NALF1: variants seen among roughly 807,000 people sequenced by gnomAD.
NALF1 encodes the protein family with sequence similarity 155 member A.
NALF1 carries 3 observed loss-of-function variants against 48.4 expected under a neutral mutation model. The ratio of observed to expected loss-of-function variants is 0.06; its 90% confidence interval spans 0.03 to 0.16. The LOEUF (loss-of-function observed/expected upper bound fraction) is 0.16, where lower values mean the gene tolerates loss of function less well. Among genes scored for constraint, NALF1 ranks in the 10% least tolerant of loss-of-function variants. NALF1 has a pLI of 1.00. For synonymous variants in NALF1, 262 were observed against 245.7 expected (o/e 1.07, Z -0.62); for missense variants, 526 against 571.5 (o/e 0.92, Z 0.81).
At chr13:107,673,018 GT>G (rs771859324) in intron 1 of NALF1, among the ~76,000 whole-genome samples, 9 of 152,044 alleles carry the variant, frequency 5.9e-5, no homozygotes, top group Non-Finnish European at 1.0e-4. Flanking sequence ...TAACTCAAGA[GT>G]GTCAACAGCA....
intron 2 of NALF1, among the ~76,000 whole-genome samples, chr13:107,195,051 A>G (rs1167816223): frequency 6.6e-6 from 1 of 152,228 alleles, no homozygotes; most frequent in African/African-American, 2.4e-5. Context: ...GGCCATATTC[A>G]AAAAGTCAAA....
intron 1 of NALF1, among the ~76,000 whole-genome samples, chr13:107,710,768 C>A (rs1486891666): frequency 3.1e-5 from 2 of 65,024 alleles, no homozygotes; most frequent in African/African-American, 8.8e-5. Context: ...TATATGTATA[C>A]ACACATATGT....
At chr13:107,408,564 C>T (rs1168414949) in intron 1 of NALF1, among the ~76,000 whole-genome samples, 1 of 152,084 alleles carries the variant, frequency 6.6e-6, no homozygotes, top group East Asian at 1.9e-4. Flanking sequence ...GTGAACAATT[C>T]TGAGAGCTAG....
At chr13:107,832,657 A>C (rs1305064672) in intron 1 of NALF1, among the ~76,000 whole-genome samples, 5 of 152,070 alleles carry the variant, frequency 3.3e-5, no homozygotes, top group Non-Finnish European at 7.4e-5. Context: ...TCTTCCTTTC[A>C]TTAACATCCA....
At chr13:107,294,437 T>C (rs922153107) in intron 1 of NALF1, among the ~76,000 whole-genome samples, 1 of 152,194 alleles carries the variant, frequency 6.6e-6, no homozygotes, top group African/African-American at 2.4e-5. Flanking sequence ...ACATACAAGG[T>C]GTAGTACTTT....
intron 1 of NALF1, among the ~76,000 whole-genome samples, chr13:107,414,816 AGT>A (rs34942300): frequency 0.26 from 39,658 of 150,448 alleles, 5,171 homozygotes; most frequent in Admixed American, 0.3. Context: ...GGAGTGAGTG[AGT>A]GTGTGTGTGT....
chr13:107,440,476 G>C (rs1884539516), intron 1 of NALF1, among the ~76,000 whole-genome samples: 1 of 152,166 alleles, frequency 6.6e-6, no homozygotes, highest in South Asian at 2.1e-4. Flanking sequence ...TCTATGTACT[G>C]TTCCAAGGGT....
At chr13:107,560,410 TA>T (rs1877611785) in intron 1 of NALF1, among the ~76,000 whole-genome samples, 1 of 152,068 alleles carries the variant, frequency 6.6e-6, no homozygotes, top group African/African-American at 2.4e-5. Flanking sequence ...ACACTACAAA[TA>T]AAAAAGCAAA....
At chr13:107,357,615 GAGT>G (rs1882986304) in intron 1 of NALF1, among the ~76,000 whole-genome samples, 1 of 152,158 alleles carries the variant, frequency 6.6e-6, no homozygotes, top group South Asian at 2.1e-4. Flanking sequence ...CTTATAAAAG[GAGT>G]AGCTTTGAAG....
chr13:107,624,998 A>C (rs1051451766), intron 1 of NALF1, among the ~76,000 whole-genome samples: 14 of 152,314 alleles, frequency 9.2e-5, no homozygotes, highest in Admixed American at 5.9e-4. Flanking sequence ...CCATAACCCA[A>C]GGCTTTTTCA....
intron 1 of NALF1, among the ~76,000 whole-genome samples, chr13:107,519,548 G>A (rs4611321): frequency 0.033 from 5,022 of 152,178 alleles, 125 homozygotes; most frequent in Non-Finnish European, 0.048. Context: ...AGGGGTTTCC[G>A]TCTGTCCATT....
chr13:107,524,719 A>G (rs1876371157), intron 1 of NALF1, among the ~76,000 whole-genome samples: 1 of 152,146 alleles, frequency 6.6e-6, no homozygotes, highest in African/African-American at 2.4e-5. Context: ...AACTTAGGGA[A>G]AACGAATAAG....
At chr13:107,858,481 G>GAGAGTTCA (rs1880491468) in intron 1 of NALF1, among the ~76,000 whole-genome samples, 3 of 152,156 alleles carry the variant, frequency 2.0e-5, no homozygotes, top group Non-Finnish European at 4.4e-5. Flanking sequence ...ACCCGAGGTG[G>GAGAGTTCA]AGAGTTCAAG....
chr13:107,740,211 TTTTA>T lies in NALF1; in HGVS notation c.915+125467_915+125470del, dbSNP rs1876592578. On this transcript the variant is annotated intron_variant, in intron 1 of 2. Transcript: ENST00000375915. ...TGCACAATTTATATCTGAGAAATAT[TTTTA>T]TTTATCTCAAGTAAAATTATATTTA... Among the ~76,000 whole-genome samples, 4 of 152,268 alleles carry T rather than the reference TTTTA, an allele frequency of 2.6e-5. No individual in the cohort carries two copies. The South Asian group carries it at 8.3e-4, about 32-fold the overall frequency.
chr13:107,242,796 C>G (rs1252126177), intron 1 of NALF1, among the ~76,000 whole-genome samples: 1 of 152,030 alleles, frequency 6.6e-6, no homozygotes, highest in Non-Finnish European at 1.5e-5. Flanking sequence ...TATACAAGTT[C>G]TCTGGGTTTT....
chr13:107,412,478 C>G (rs1337191967), intron 1 of NALF1, among the ~76,000 whole-genome samples: 2 of 152,076 alleles, frequency 1.3e-5, no homozygotes, highest in East Asian at 3.9e-4. Context: ...GTTGCTGGCA[C>G]TGCAGTATTC....
intron 1 of NALF1, among the ~76,000 whole-genome samples, chr13:107,718,849 A>G (rs1242189771): frequency 6.6e-6 from 1 of 152,210 alleles, no homozygotes; most frequent in Non-Finnish European, 1.5e-5. Flanking sequence ...CGGTCACCTT[A>G]GCCACATTTC....
chr13:107,274,191 T>C (rs1881232358), intron 1 of NALF1, among the ~76,000 whole-genome samples: 1 of 152,132 alleles, frequency 6.6e-6, no homozygotes, highest in Non-Finnish European at 1.5e-5. Context: ...CACACTTGGG[T>C]AACAACAGAG....
At chr13:107,419,155 C>T (rs1337197216) in intron 1 of NALF1, among the ~76,000 whole-genome samples, 1 of 152,204 alleles carries the variant, frequency 6.6e-6, no homozygotes, top group African/African-American at 2.4e-5. Context: ...ATTTTCTTCA[C>T]AGGAATCTAC....
Sources: allele counts gnomAD v4.1 joint callset (sites outside exome capture counted in the v4.1 genomes callset), GRCh38; gene constraint gnomAD v4.1.1; transcripts MANE v1.5; gene names NCBI Gene and HGNC (gene_info 2026-07-23, HGNC 2026-07-21).